PIGN: variants seen among roughly 807,000 people sequenced by gnomAD.
PIGN encodes phosphatidylinositol glycan anchor biosynthesis class N.
A neutral mutation model predicts 125.4 loss-of-function variants in PIGN; 117 were observed. The observed-to-expected ratio is 0.93, with a 90% CI of 0.80 to 1.09. The LOEUF (loss-of-function observed/expected upper bound fraction) is 1.09. Among genes scored for constraint, PIGN ranks in the 50% least tolerant of loss-of-function variants. The pLI, the probability that PIGN is intolerant of heterozygous loss-of-function variation, is 0.00. For synonymous variants in PIGN, 392 were observed against 377.8 expected, an observed-to-expected ratio of 1.04 and a Z score of -0.44; for missense variants, 1,075 against 1,094.9, an observed-to-expected ratio of 0.98 and a Z score of 0.26.
chr18:62,161,081 TAACTCAG>T, intron 4 of PIGN, 45 bp downstream of exon 4: 1 of 1,221,120 alleles, frequency 8.2e-7, no homozygotes, highest in Non-Finnish European at 1.2e-6. Context: ...GCAGTTTACT[TAACTCAG>T]AATAACATTT....
intron 1 of PIGN, among the ~76,000 whole-genome samples, chr18:62,172,199 AG>A (rs2037366830): frequency 6.6e-6 from 1 of 152,140 alleles, no homozygotes; most frequent in Non-Finnish European, 1.5e-5. Context: ...GTAGTTTTTA[AG>A]GAATTTATCC....
chr18:62,060,260 C>T (rs1369947387), intron 30 of PIGN, among the ~76,000 whole-genome samples: 3 of 152,220 alleles, frequency 2.0e-5, no homozygotes, highest in Non-Finnish European at 4.4e-5. Context: ...CCTCCCATGA[C>T]TATTGTGCCA....
chr18:62,143,206 A>T (rs1314270578), intron 11 of PIGN, 100 bp downstream of exon 11: 1 of 673,124 alleles, frequency 1.5e-6, no homozygotes. Context: ...TTTGAAAAAG[A>T]CTTTGTCAAT....
chr18:62,084,661 G>A, intron 26 of PIGN, 55 bp from the exon 27 acceptor site: 3 of 1,067,376 alleles, frequency 2.8e-6, no homozygotes, highest in Non-Finnish European at 2.8e-6. Flanking sequence ...AACTTTAAAA[G>A]AATATTCTTC....
chr18:62,027,832 G>C (rs184483158), intron 23 of PIGN, among the ~76,000 whole-genome samples: 1 of 152,168 alleles, frequency 6.6e-6, no homozygotes, highest in South Asian at 2.1e-4. Flanking sequence ...GCTTGAGCCT[G>C]GGAGGTCAAG....
intron 24 of PIGN, among the ~76,000 whole-genome samples, chr18:62,089,614 C>T (rs1235731730): frequency 6.6e-6 from 1 of 152,112 alleles, no homozygotes; most frequent in Non-Finnish European, 1.5e-5. Context: ...CTGCTCAAAA[C>T]TGCTTTTCAT....
chr18:62,040,219 A>T (rs2030334007), downstream of PIGN, among the ~76,000 whole-genome samples: 1 of 114,964 alleles, frequency 8.7e-6, no homozygotes, highest in African/African-American at 3.5e-5. Context: ...AGGGTGCCGC[A>T]CATCATGTTT....
intron 23 of PIGN, among the ~76,000 whole-genome samples, chr18:62,024,241 T>C (rs538495491): frequency 6.6e-6 from 1 of 152,328 alleles, no homozygotes; most frequent in African/African-American, 2.4e-5. Context: ...GAAATACTTA[T>C]GAAGGTGGCA....
chr18:62,094,932 A>C (rs2034114423), intron 23 of PIGN, among the ~76,000 whole-genome samples: 1 of 152,154 alleles, frequency 6.6e-6, no homozygotes, highest in Admixed American at 6.6e-5. Flanking sequence ...TTAGGGTGTT[A>C]GAGTCTACTG....
At chr18:62,067,272 T>C (rs1301008479) in intron 30 of PIGN, among the ~76,000 whole-genome samples, 3 of 152,224 alleles carry the variant, frequency 2.0e-5, no homozygotes, top group Non-Finnish European at 4.4e-5. Context: ...AATCTATGCA[T>C]ACTAGGCTCC....
rs1453224514 is a variant in PIGN, at chr18:62,090,580, T to C, written c.2181-2A>G. The C allele has an allele frequency of 3.2e-6, 5 of 1,555,480 alleles. No individual in the cohort carries two copies. Among genetic ancestry groups the C allele is most frequent in the Non-Finnish European group, 4.4e-6 (5 of 1,130,366 alleles). On this transcript the variant is annotated splice_acceptor_variant, in intron 23 of 30. Coordinates refer to ENST00000640252, the MANE Select transcript of PIGN (RefSeq NM_176787.5). LOFTEE classifies it high-confidence loss of function. Reference sequence around the variant, plus strand: ...ACTAGTGGAAAGAGAGCTTCATACCTAACAGGTGGGGAAAGGTAGAAATGA... The same window carrying C: ...ACTAGTGGAAAGAGAGCTTCATACCCAACAGGTGGGGAAAGGTAGAAATGA...
intron 1 of PIGN, 57 bp downstream of exon 1, chr18:62,186,787 G>A (rs1310727268): frequency 1.3e-5 from 2 of 151,248 alleles, no homozygotes; most frequent in African/African-American, 2.4e-5. Flanking sequence ...GCGTCCGCGG[G>A]CGCGACACCA....
At chr18:62,147,655 T>G (rs961053132) in intron 8 of PIGN, among the ~76,000 whole-genome samples, 5 of 152,242 alleles carry the variant, frequency 3.3e-5, no homozygotes, top group African/African-American at 1.2e-4. Flanking sequence ...CAGCCACTGT[T>G]AGGCTAATTT....
chr18:62,137,797 C>A (rs552810163), intron 14 of PIGN: 4 of 152,256 alleles, frequency 2.6e-5, no homozygotes, highest in South Asian at 2.0e-4. Flanking sequence ...GAGACCCAAG[C>A]CCCTCTTTCT....
chr18:62,056,671 A>C (rs528991417), intron 30 of PIGN: 26 of 152,452 alleles, frequency 1.7e-4, no homozygotes, highest in Non-Finnish European at 3.4e-4. Context: ...ATTTCATCCC[A>C]ACTCTCCCAC....
intron 30 of PIGN, among the ~76,000 whole-genome samples, chr18:62,048,399 T>TACTAAAA (rs1290218931): frequency 6.6e-6 from 1 of 152,038 alleles, no homozygotes; most frequent in Admixed American, 6.5e-5. Flanking sequence ...CACATCAAAT[T>TACTAAAA]ACTAAAAACT....
At chr18:62,167,226 ATCTC>A (rs1568251405) in intron 1 of PIGN, among the ~76,000 whole-genome samples, 1 of 133,088 alleles carries the variant, frequency 7.5e-6, no homozygotes, top group Non-Finnish European at 1.7e-5. Flanking sequence ...TATATATAAA[ATCTC>A]TCTCTATATA....
At chr18:62,181,018 T>C (rs1416565428) in intron 1 of PIGN, among the ~76,000 whole-genome samples, 38 of 152,166 alleles carry the variant, frequency 2.5e-4, no homozygotes, top group Admixed American at 2.5e-3. Context: ...GAAACAAAAA[T>C]AATTATTTGT....
intron 27 of PIGN, among the ~76,000 whole-genome samples, chr18:62,083,957 T>G (rs1573402): frequency 6.6e-6 from 1 of 152,082 alleles, no homozygotes; most frequent in Non-Finnish European, 1.5e-5. Context: ...CTAAGTAAAA[T>G]GTGTCAGGCA....
Sources: gnomAD v4.1 joint callset for allele counts (sites outside exome capture counted in the v4.1 genomes callset) on GRCh38, gnomAD v4.1.1 for gene constraint, MANE v1.5 for transcripts, NCBI Gene and HGNC (gene_info 2026-07-23, HGNC 2026-07-21) for gene names.